Variants in GRIN3A observed in about 807,000 individuals in gnomAD.
GRIN3A encodes the protein glutamate ionotropic receptor NMDA type subunit 3A, also known as glutamate receptor ionotropic, NMDA 3A.
In GRIN3A, 47 loss-of-function variants were observed where a neutral mutation model predicts 92.4. That is an observed-to-expected ratio of 0.51 (90% CI 0.40 to 0.65). GRIN3A has a LOEUF of 0.65. Ranked by LOEUF, GRIN3A falls within the 30% of genes least tolerant of loss-of-function variation. GRIN3A has a pLI of 0.00. For synonymous variants in GRIN3A, 527 were observed against 540.6 expected, an observed-to-expected ratio of 0.97 and a Z score of 0.35; for missense variants, 1,324 against 1,393.1, an observed-to-expected ratio of 0.95 and a Z score of 0.79.
At chr9:101,675,875 C>T (rs1829388800) in intron 2 of GRIN3A, among the ~76,000 whole-genome samples, 1 of 151,900 alleles carries the variant, frequency 6.6e-6, no homozygotes, top group East Asian at 1.9e-4. Context: ...GTATTAATTA[C>T]ATTAGTCATG....
intron 3 of GRIN3A, among the ~76,000 whole-genome samples, chr9:101,646,235 A>C (rs1828935577): frequency 6.6e-6 from 1 of 151,694 alleles, no homozygotes; most frequent in African/African-American, 2.4e-5. Flanking sequence ...AACCATTTTG[A>C]TTTGACTTTT....
chr9:101,730,629 A>C (rs1403381824), intron 1 of GRIN3A, among the ~76,000 whole-genome samples: 1 of 152,084 alleles, frequency 6.6e-6, no homozygotes, highest in African/African-American at 2.4e-5. Flanking sequence ...CCTCCATCAT[A>C]TGTTATAATT....
intron 6 of GRIN3A, among the ~76,000 whole-genome samples, chr9:101,604,724 AACTGCCCTCCCCC>A (rs1828254769): frequency 6.6e-6 from 1 of 152,122 alleles, no homozygotes; most frequent in African/African-American, 2.4e-5. Context: ...ACTGCATTAA[AACTGCCCTCCCCC>A]ACTGCCCTAA....
intron 2 of GRIN3A, among the ~76,000 whole-genome samples, chr9:101,671,821 C>T (rs1213329993): frequency 1.3e-5 from 2 of 152,088 alleles, no homozygotes; most frequent in African/African-American, 2.4e-5. Context: ...TAGAGAGAAA[C>T]AATTGGCCCT....
intron 3 of GRIN3A, among the ~76,000 whole-genome samples, chr9:101,632,254 A>G (rs35227408): frequency 0.19 from 29,108 of 152,090 alleles, 3,152 homozygotes; most frequent in Non-Finnish European, 0.25. Flanking sequence ...TAGACCTGTA[A>G]CACCCTCCCA....
At chr9:101,640,504 G>A (rs779540132) in intron 3 of GRIN3A, among the ~76,000 whole-genome samples, 1 of 152,230 alleles carries the variant, frequency 6.6e-6, no homozygotes, top group African/African-American at 2.4e-5. Context: ...AGACAGTGAA[G>A]TGGAACTATG....
intron 6 of GRIN3A, among the ~76,000 whole-genome samples, chr9:101,609,809 G>A (rs528660106): frequency 1.6e-4 from 24 of 152,252 alleles, no homozygotes; most frequent in Middle Eastern, 6.8e-3. Context: ...GCTGGCTTTG[G>A]GGACAGGATT....
chr9:101,699,580 A>G (rs1461767656), intron 1 of GRIN3A, among the ~76,000 whole-genome samples: 2 of 152,214 alleles, frequency 1.3e-5, no homozygotes, highest in African/African-American at 4.8e-5. Context: ...CTAGCATCTC[A>G]AAACACTAAA....
chr9:101,613,225 T>C (rs1255314699), intron 6 of GRIN3A, 151 bp downstream of exon 6: 1 of 883,872 alleles, frequency 1.1e-6, no homozygotes, highest in African/African-American at 1.7e-5. Context: ...GAATGGACGC[T>C]TTTTGGACAA....
intron 3 of GRIN3A, among the ~76,000 whole-genome samples, chr9:101,637,875 G>T (rs889556933): frequency 5.3e-5 from 8 of 152,138 alleles, no homozygotes; most frequent in Non-Finnish European, 7.3e-5. Context: ...GAAGGGACTT[G>T]CTCCAGGTCA....
At chr9:101,619,978 G>A (rs1036696758) in intron 5 of GRIN3A, among the ~76,000 whole-genome samples, 11 of 152,088 alleles carry the variant, frequency 7.2e-5, no homozygotes, top group Non-Finnish European at 1.3e-4. Context: ...TATATACTGC[G>A]TACCGATGAG....
chr9:101,628,139 A>C (rs1828658764), intron 4 of GRIN3A, 117 bp downstream of exon 4: 1 of 921,878 alleles, frequency 1.1e-6, no homozygotes, highest in Non-Finnish European at 1.7e-6. Flanking sequence ...AGTATTACTT[A>C]ACACAACGTG....
intron 4 of GRIN3A, among the ~76,000 whole-genome samples, chr9:101,626,958 G>T (rs1828641515): frequency 1.3e-5 from 2 of 152,232 alleles, no homozygotes. Context: ...CTCAGGTAAA[G>T]CTCCTGAGAT....
intron 1 of GRIN3A, among the ~76,000 whole-genome samples, chr9:101,692,731 A>G (rs1011116038): frequency 1.3e-5 from 2 of 152,194 alleles, no homozygotes; most frequent in Non-Finnish European, 2.9e-5. Flanking sequence ...CCTCAGCCAA[A>G]GAGGCTGCAG....
chr9:101,650,891 G>A (rs923264443), intron 3 of GRIN3A, among the ~76,000 whole-genome samples: 8 of 151,986 alleles, frequency 5.3e-5, no homozygotes, highest in Non-Finnish European at 8.8e-5. Context: ...AACTCAGTAA[G>A]TATCACCTTT....
intron 3 of GRIN3A, among the ~76,000 whole-genome samples, chr9:101,643,252 T>C (rs1377451440): frequency 6.6e-6 from 1 of 152,136 alleles, no homozygotes; most frequent in African/African-American, 2.4e-5. Flanking sequence ...CTTGAATAGA[T>C]ATTTTTCCAA....
At chr9:101,582,915 G>T (rs1323598592) in intron 6 of GRIN3A, among the ~76,000 whole-genome samples, 2 of 152,022 alleles carry the variant, frequency 1.3e-5, no homozygotes, top group Admixed American at 1.3e-4. Context: ...TAACAAATAG[G>T]CCGTATTGTT....
intron 3 of GRIN3A, among the ~76,000 whole-genome samples, chr9:101,648,087 T>A (rs1828963557): frequency 6.6e-6 from 1 of 151,950 alleles, no homozygotes; most frequent in African/African-American, 2.4e-5. Flanking sequence ...TCTTGCTTTT[T>A]TGGTGTGTTT....
At chr9:101,710,326 A>C (rs7849732) in intron 1 of GRIN3A, among the ~76,000 whole-genome samples, 18,059 of 152,194 alleles carry the variant, frequency 0.12, 2,153 homozygotes, top group African/African-American at 0.31. Flanking sequence ...ATTCTTACTG[A>C]GTCTCATGCA....
Sources: gnomAD v4.1 joint callset for allele counts (sites outside exome capture counted in the v4.1 genomes callset) on GRCh38, gnomAD v4.1.1 for gene constraint, MANE v1.5 for transcripts, NCBI Gene and HGNC (gene_info 2026-07-23, HGNC 2026-07-21) for gene names.